NAALADL2: variants seen among roughly 807,000 people sequenced by gnomAD.
NAALADL2 encodes the protein N-acetylated alpha-linked acidic dipeptidase like 2, also known as inactive N-acetylated-alpha-linked acidic dipeptidase-like protein 2.
NAALADL2 carries 76 observed loss-of-function variants against 87.2 expected under a neutral mutation model. That is an observed-to-expected ratio of 0.87 (90% CI 0.72 to 1.05). NAALADL2 has a LOEUF of 1.05. Ranked by LOEUF, NAALADL2 falls within the 50% of genes least tolerant of loss-of-function variation. The pLI is 0.00. For missense variants in NAALADL2, 1,089 were observed against 945.8 expected (o/e 1.15, Z -1.99); for synonymous variants, 354 against 331.0 (o/e 1.07, Z -0.75).
At chr3:174,590,607 G>C (rs980310264) in intron 2 of NAALADL2, among the ~76,000 whole-genome samples, 5 of 152,128 alleles carry the variant, frequency 3.3e-5, no homozygotes, top group Admixed American at 2.0e-4. Context: ...TAAGTGAATA[G>C]AGCAGTGAGT....
intron 13 of NAALADL2, among the ~76,000 whole-genome samples, chr3:175,764,542 ATT>A (rs67175572): frequency 5.3e-5 from 8 of 150,710 alleles, no homozygotes; most frequent in African/African-American, 1.7e-4. Flanking sequence ...AGCCAAGACC[ATT>A]TTTTTTTTTG....
rs1419685138 is a variant in NAALADL2 at position 175,035,402 on chromosome 3, G to GA, written c.44-61388_44-61387insA. ...TCCACATTAGTCAGCAGGTCAGGGT[G>GA]CCATCAGTAGGAGAGCAATATAAGA... On this transcript the variant is annotated intron_variant, in intron 1 of 13. Transcript: ENST00000454872. 2.6e-4 allele frequency among the ~76,000 whole-genome samples: 39 copies of GA among 152,256 alleles called. No homozygotes were observed. In the South Asian group the frequency reaches 8.1e-3, roughly 32 times the overall value.
intron 4 of NAALADL2, among the ~76,000 whole-genome samples, chr3:175,295,745 A>ACACACACT (rs1369539965): frequency 1.4e-5 from 2 of 145,420 alleles, no homozygotes; most frequent in African/African-American, 5.1e-5. Flanking sequence ...ACACACACAC[A>ACACACACT]CTCCCTCTCT....
At chr3:174,764,974 T>A (rs1379169573) in intron 3 of NAALADL2, among the ~76,000 whole-genome samples, 1 of 152,204 alleles carries the variant, frequency 6.6e-6, no homozygotes, top group South Asian at 2.1e-4. Context: ...AAGTTATACA[T>A]GTACATGTTA....
intron 9 of NAALADL2, among the ~76,000 whole-genome samples, chr3:175,566,191 T>A (rs948877323): frequency 3.9e-5 from 6 of 152,256 alleles, no homozygotes; most frequent in African/African-American, 1.2e-4. Flanking sequence ...GTCTTAGAAT[T>A]GGGGACACGT....
intron 1 of NAALADL2, among the ~76,000 whole-genome samples, chr3:174,972,515 T>A (rs1446545562): frequency 6.6e-6 from 1 of 152,180 alleles, no homozygotes. Flanking sequence ...CTCTTTCTTT[T>A]ATTATAGAGA....
At chr3:175,217,137 A>G (rs1664899013) in intron 2 of NAALADL2, among the ~76,000 whole-genome samples, 1 of 152,224 alleles carries the variant, frequency 6.6e-6, no homozygotes. Flanking sequence ...TGAATTAATG[A>G]AAAAAGAACA....
chr3:174,667,491 T>A (rs1270448276), intron 2 of NAALADL2, among the ~76,000 whole-genome samples: 1 of 150,370 alleles, frequency 6.7e-6, no homozygotes, highest in African/African-American at 2.4e-5. Flanking sequence ...GAGTTGGCAT[T>A]TTCATGGGCA....
intron 1 of NAALADL2, among the ~76,000 whole-genome samples, chr3:174,909,378 A>G (rs1368971670): frequency 6.6e-6 from 1 of 152,120 alleles, no homozygotes; most frequent in Admixed American, 6.5e-5. Context: ...CTGGGCAACA[A>G]GAGCAAAATT....
At chr3:174,954,573 T>A (rs766124396) in intron 1 of NAALADL2, among the ~76,000 whole-genome samples, 14 of 152,088 alleles carry the variant, frequency 9.2e-5, no homozygotes, top group Non-Finnish European at 1.8e-4. Flanking sequence ...ATTGTATGTG[T>A]TTACAGTGAG....
chr3:175,736,958 C>A (rs1462306558), intron 11 of NAALADL2, among the ~76,000 whole-genome samples: 1 of 152,070 alleles, frequency 6.6e-6, no homozygotes, highest in Non-Finnish European at 1.5e-5. Context: ...TTCCTCTTTA[C>A]TGTTTGTTTG....
At chr3:175,093,416 T>TATA (rs1489640629) in intron 1 of NAALADL2, among the ~76,000 whole-genome samples, 6,033 of 139,468 alleles carry the variant, frequency 0.043, 222 homozygotes, top group African/African-American at 0.1. Flanking sequence ...TTTTATTTTT[T>TATA]TATATATATA....
chr3:175,606,622 T>C (rs1184500041), intron 10 of NAALADL2, among the ~76,000 whole-genome samples: 2 of 152,188 alleles, frequency 1.3e-5, no homozygotes, highest in African/African-American at 2.4e-5. Context: ...GCAACAGATG[T>C]AGCATCTACA....
intron 1 of NAALADL2, among the ~76,000 whole-genome samples, chr3:174,996,225 C>T (rs915881588): frequency 5.3e-5 from 8 of 152,152 alleles, no homozygotes; most frequent in East Asian, 1.9e-4. Flanking sequence ...TGGCTGGGCG[C>T]GGTGGCTCAC....
At chr3:174,699,742 A>G (rs762467141) in intron 2 of NAALADL2, among the ~76,000 whole-genome samples, 2 of 151,022 alleles carry the variant, frequency 1.3e-5, no homozygotes, top group Non-Finnish European at 2.9e-5. Flanking sequence ...CTAACTTATG[A>G]GGTCTCGTTT....
intron 3 of NAALADL2, among the ~76,000 whole-genome samples, chr3:174,850,357 C>T (rs1725113206): frequency 6.6e-6 from 1 of 151,964 alleles, no homozygotes; most frequent in African/African-American, 2.4e-5. Flanking sequence ...AAACAAGATC[C>T]AGTTAAATGC....
chr3:174,999,476 T>A (rs1747947915), intron 1 of NAALADL2, among the ~76,000 whole-genome samples: 1 of 152,188 alleles, frequency 6.6e-6, no homozygotes, highest in Non-Finnish European at 1.5e-5. Flanking sequence ...TCCAATTTAC[T>A]GAAGAAAGCA....
chr3:175,034,248 T>A (rs1029835556), intron 1 of NAALADL2, among the ~76,000 whole-genome samples: 2 of 152,152 alleles, frequency 1.3e-5, no homozygotes, highest in Admixed American at 1.3e-4. Context: ...TAAAAAAAGC[T>A]TGGTAAACTC....
At chr3:174,909,953 T>C (rs1733483332) in intron 1 of NAALADL2, among the ~76,000 whole-genome samples, 1 of 152,158 alleles carries the variant, frequency 6.6e-6, no homozygotes, top group African/African-American at 2.4e-5. Context: ...TTTTAAAATA[T>C]ACATTTTCTG....
Sources: gnomAD v4.1 joint callset for allele counts (sites outside exome capture counted in the v4.1 genomes callset) on GRCh38, gnomAD v4.1.1 for gene constraint, MANE v1.5 for transcripts, NCBI Gene and HGNC (gene_info 2026-07-23, HGNC 2026-07-21) for gene names.